MXRA7: variants seen among roughly 807,000 people sequenced by gnomAD.
The protein encoded by MXRA7 is matrix remodeling associated 7.
A neutral mutation model predicts 17.4 loss-of-function variants in MXRA7; 18 were observed. The observed-to-expected ratio is 1.03, with a 90% CI of 0.71 to 1.53. MXRA7 has a LOEUF of 1.53. MXRA7 is among the 40% of genes most tolerant of loss of function. The pLI is 0.00. For synonymous variants in MXRA7, 70 were observed against 101.7 expected (o/e 0.69, Z 1.87); for missense variants, 141 against 209.3 (o/e 0.67, Z 2.01).
intron 3 of MXRA7, among the ~76,000 whole-genome samples, chr17:76,683,664 G>A (rs191981476): frequency 2.0e-5 from 3 of 152,324 alleles, no homozygotes; most frequent in Non-Finnish European, 4.4e-5. Context: ...GCCCCCAGAC[G>A]GGGCCTCTTC....
At chr17:76,697,957 C>T (rs1486301966) in intron 1 of MXRA7, among the ~76,000 whole-genome samples, 1 of 151,922 alleles carries the variant, frequency 6.6e-6, no homozygotes, top group African/African-American at 2.4e-5. Flanking sequence ...AGAGAGAACA[C>T]TAACAGAGGG....
intron 1 of MXRA7, among the ~76,000 whole-genome samples, chr17:76,698,082 G>A (rs972478952): frequency 7.2e-5 from 11 of 152,326 alleles, no homozygotes; most frequent in Non-Finnish European, 1.3e-4. Context: ...CAGAGCTGCC[G>A]CATGCTGTGA....
intron 1 of MXRA7, among the ~76,000 whole-genome samples, chr17:76,696,603 G>A (rs2076535126): frequency 6.6e-6 from 1 of 152,246 alleles, no homozygotes; most frequent in African/African-American, 2.4e-5. Flanking sequence ...CAAACAGAGT[G>A]AGAGCTGCAC....
intron 1 of MXRA7, among the ~76,000 whole-genome samples, chr17:76,706,134 A>G (rs373533478): frequency 1.3e-3 from 85 of 63,334 alleles, no homozygotes; most frequent in East Asian, 3.0e-3. Flanking sequence ...TGCCATCACA[A>G]AGGACCACAC....
At chr17:76,683,642 C>A (rs2076341718) in intron 3 of MXRA7, among the ~76,000 whole-genome samples, 1 of 152,200 alleles carries the variant, frequency 6.6e-6, no homozygotes, top group South Asian at 2.1e-4. Flanking sequence ...TAACTCCCCT[C>A]CAGGAACCTC....
intron 1 of MXRA7, among the ~76,000 whole-genome samples, chr17:76,700,683 C>T (rs893024929): frequency 6.6e-6 from 1 of 152,214 alleles, no homozygotes; most frequent in African/African-American, 2.4e-5. Context: ...TGGGATGTGG[C>T]GGGCAAGGGC....
At chr17:76,686,659 C>G (rs2076401775) in intron 2 of MXRA7, among the ~76,000 whole-genome samples, 1 of 152,180 alleles carries the variant, frequency 6.6e-6, no homozygotes, top group African/African-American at 2.4e-5. Context: ...TTTTGCTAGA[C>G]CAGAATTCAA....
At chr17:76,688,566 G>A in intron 1 of MXRA7, 1 of 1,263,018 alleles carries the variant, frequency 7.9e-7, no homozygotes, top group Non-Finnish European at 9.9e-7. Flanking sequence ...TCTGGGACCA[G>A]GGCCAGGCAG....
chr17:76,698,665 T>G (rs943548957), intron 1 of MXRA7, among the ~76,000 whole-genome samples: 1 of 150,862 alleles, frequency 6.6e-6, no homozygotes, highest in Non-Finnish European at 1.5e-5. Context: ...TCTGACACCT[T>G]AACATGGCCT....
intron 1 of MXRA7, among the ~76,000 whole-genome samples, chr17:76,707,193 T>C (rs117003872): frequency 1.6e-3 from 244 of 152,302 alleles, no homozygotes; most frequent in Non-Finnish European, 2.8e-3. Context: ...TTGTATTTAT[T>C]TGTCATATTG....
rs138448046 is a variant in MXRA7, at chr17:76,688,026, C to T, written c.406+87G>A. 3.5e-3 allele frequency: 4,100 copies of T among 1,174,930 alleles called. 17 individuals carry two copies. The highest frequency in any genetic ancestry group is 4.5e-3 in the Non-Finnish European group (3,580 of 800,906). The allele number at this position is 1,174,930 out of a possible 1,614,324, so 72.8% of individuals were successfully genotyped here. On this transcript the variant is annotated intron_variant, in intron 2 of 3. Transcript: ENST00000449428. ...CCACCCCATCCCTCCCCTCGGCACT[C>T]GAACCCCAGCTCCTGTGATCCCCAG...
chr17:76,702,472 C>T (rs1003256464), intron 1 of MXRA7, among the ~76,000 whole-genome samples: 3 of 152,138 alleles, frequency 2.0e-5, no homozygotes, highest in African/African-American at 7.2e-5. Flanking sequence ...TGTGCCAATG[C>T]ACCCCAGCCT....
At chr17:76,697,911 GAA>G (rs1189444306) in intron 1 of MXRA7, among the ~76,000 whole-genome samples, 1 of 151,006 alleles carries the variant, frequency 6.6e-6, no homozygotes, top group African/African-American at 2.4e-5. Context: ...GGAGGGGAGA[GAA>G]GAGAGGGATA....
At chr17:76,710,185 A>AT (rs1162354709) in intron 1 of MXRA7, 1 of 153,632 alleles carries the variant, frequency 6.5e-6, no homozygotes, top group African/African-American at 2.4e-5. Flanking sequence ...AAACATCAAG[A>AT]TAACTCTCAT....
At chr17:76,687,747 G>A (rs2076416052) in intron 2 of MXRA7, among the ~76,000 whole-genome samples, 1 of 152,246 alleles carries the variant, frequency 6.6e-6, no homozygotes. Flanking sequence ...CGTGTGAGTG[G>A]TTTTCGTCTC....
chr17:76,695,649 G>A (rs531386687), intron 1 of MXRA7, among the ~76,000 whole-genome samples: 15 of 152,284 alleles, frequency 9.9e-5, no homozygotes, highest in African/African-American at 2.2e-4. Flanking sequence ...CGCTGGGTCC[G>A]AGATGGGCTT....
intron 1 of MXRA7, among the ~76,000 whole-genome samples, chr17:76,707,979 G>T (rs1476553894): frequency 6.6e-6 from 1 of 152,178 alleles, no homozygotes; most frequent in Non-Finnish European, 1.5e-5. Context: ...GTATCATTCC[G>T]CTTCTCCTCA....
At chr17:76,686,286 C>T (rs2143606556) in intron 2 of MXRA7, among the ~76,000 whole-genome samples, 1 of 152,148 alleles carries the variant, frequency 6.6e-6, no homozygotes, top group East Asian at 1.9e-4. Context: ...CGAGACCAAC[C>T]TGGCCAATGT....
intron 1 of MXRA7, among the ~76,000 whole-genome samples, chr17:76,708,340 C>T (rs2143695396): frequency 1.3e-5 from 2 of 152,316 alleles, no homozygotes; most frequent in Middle Eastern, 3.4e-3. Context: ...ACGCTGCTCC[C>T]CAGGGCAGTG....
Sources: gnomAD v4.1 joint callset for allele counts (sites outside exome capture counted in the v4.1 genomes callset) on GRCh38, gnomAD v4.1.1 for gene constraint, MANE v1.5 for transcripts, NCBI Gene and HGNC (gene_info 2026-07-23, HGNC 2026-07-21) for gene names.